Variants in LMLN observed in about 807,000 individuals in gnomAD.
LMLN encodes leishmanolysin-like peptidase.
Under a neutral mutation model 92.3 loss-of-function variants are expected in LMLN, and 70 were observed. The ratio of observed to expected loss-of-function variants is 0.76; its 90% CI spans 0.63 to 0.92. The LOEUF (loss-of-function observed/expected upper bound fraction) is 0.92. Among genes scored for constraint, LMLN ranks in the 40% least tolerant of loss-of-function variants. The pLI, the probability that LMLN is intolerant of heterozygous loss-of-function variation, is 0.00. For synonymous variants in LMLN, 308 were observed against 296.2 expected, an observed-to-expected ratio of 1.04 and a Z score of -0.41; for missense variants, 691 against 814.6, an observed-to-expected ratio of 0.85 and a Z score of 1.85.
chr3:197,982,223 CTTTTTTTTTT>C (rs1241377836), intron 6 of LMLN, among the ~76,000 whole-genome samples: 1 of 116,540 alleles, frequency 8.6e-6, no homozygotes, highest in African/African-American at 3.5e-5. Context: ...CAGTTACCTT[CTTTTTTTTTT>C]TTTTTTTTTT....
At chr3:197,984,588 C>G (rs1007484692) in intron 7 of LMLN, among the ~76,000 whole-genome samples, 1 of 150,680 alleles carries the variant, frequency 6.6e-6, no homozygotes, top group Non-Finnish European at 1.5e-5. Flanking sequence ...GTAGCTGGGA[C>G]TACAGACATG....
At chr3:197,994,923 A>G (rs1721976325) in intron 9 of LMLN, among the ~76,000 whole-genome samples, 1 of 152,224 alleles carries the variant, frequency 6.6e-6, no homozygotes, top group Non-Finnish European at 1.5e-5. Context: ...CTGCAGCGCT[A>G]TTTACAACAG....
At chr3:198,022,995 G>A (rs772566061) in intron 13 of LMLN, among the ~76,000 whole-genome samples, 1 of 152,146 alleles carries the variant, frequency 6.6e-6, no homozygotes, top group South Asian at 2.1e-4. Context: ...TTGTTTTAGA[G>A]CTGGAGCTGG....
At chr3:197,976,634 C>G (rs754234856) in exon 5 of LMLN, 1 of 1,598,794 alleles carries the variant, frequency 6.3e-7, no homozygotes. Flanking sequence ...GGAAGGAAAA[C>G]GATCCTCACA....
chr3:197,961,159 A>G (rs897102407), intron 1 of LMLN, among the ~76,000 whole-genome samples: 2 of 152,200 alleles, frequency 1.3e-5, no homozygotes, highest in Admixed American at 6.5e-5. Flanking sequence ...CCTGGCATTT[A>G]ACCAAGTACT....
exon 15 of LMLN, chr3:198,035,861 T>C (rs1265933452): frequency 6.2e-7 from 1 of 1,614,118 alleles, no homozygotes; most frequent in Non-Finnish European, 8.5e-7. Flanking sequence ...GGTCTGAAAG[T>C]TTGGGTCCAA....
intron 1 of LMLN, among the ~76,000 whole-genome samples, chr3:197,966,831 A>G (rs1247093279): frequency 6.6e-6 from 1 of 152,146 alleles, no homozygotes; most frequent in Admixed American, 6.5e-5. Context: ...TTACTCTGTC[A>G]TCCAGGCTGG....
At chr3:197,960,764 G>T (rs1386070787) in intron 1 of LMLN, among the ~76,000 whole-genome samples, 1 of 152,118 alleles carries the variant, frequency 6.6e-6, no homozygotes, top group Non-Finnish European at 1.5e-5. Context: ...CCCACTTAGT[G>T]ACTCAGTAGG....
chr3:197,975,723 A>G (rs1478553233), intron 3 of LMLN, among the ~76,000 whole-genome samples: 1 of 152,190 alleles, frequency 6.6e-6, no homozygotes, highest in Admixed American at 6.5e-5. Flanking sequence ...ATCGAAGGAA[A>G]TTAATATTTA....
intron 7 of LMLN, among the ~76,000 whole-genome samples, chr3:197,984,984 C>T (rs536569663): frequency 6.6e-6 from 1 of 152,226 alleles, no homozygotes; most frequent in East Asian, 1.9e-4. Flanking sequence ...AGCCCTTCTG[C>T]TGCCGCTTCT....
chr3:198,020,342 T>C (rs975837804), intron 12 of LMLN, among the ~76,000 whole-genome samples: 2 of 152,190 alleles, frequency 1.3e-5, no homozygotes. Context: ...TTAAAAAGCC[T>C]CAACTTTACC....
intron 1 of LMLN, among the ~76,000 whole-genome samples, chr3:197,963,642 C>A (rs759805771): frequency 1.1e-4 from 16 of 152,146 alleles, no homozygotes; most frequent in Non-Finnish European, 1.9e-4. Flanking sequence ...GTATATTAAC[C>A]TTGTCTTCTG....
At chr3:198,034,684 TC>T (rs1723164888) in intron 14 of LMLN, among the ~76,000 whole-genome samples, 1 of 152,218 alleles carries the variant, frequency 6.6e-6, no homozygotes, top group African/African-American at 2.4e-5. Context: ...TAATGTGTTT[TC>T]TTTTGCTTTT....
chr3:198,020,534 A>G (rs1379068942), intron 12 of LMLN, among the ~76,000 whole-genome samples: 1 of 152,158 alleles, frequency 6.6e-6, no homozygotes, highest in Non-Finnish European at 1.5e-5. Flanking sequence ...GGAAAACGTG[A>G]CATCTTTAAA....
intron 1 of LMLN, among the ~76,000 whole-genome samples, chr3:197,967,741 G>C (rs1721099280): frequency 6.6e-6 from 1 of 152,176 alleles, no homozygotes; most frequent in South Asian, 2.1e-4. Flanking sequence ...GGTACTGCAG[G>C]AGACCAGGGC....
In LMLN at chr3:197,970,349, C is replaced by T. The variant is rs147232956; in HGVS notation, c.220-4028C>T. Among the ~76,000 whole-genome samples the T allele has an allele frequency of 4.8e-4, 73 of 152,170 alleles. No individual in the cohort carries two copies. In the East Asian group the frequency reaches 0.012, roughly 25 times the overall value. On this transcript the variant is annotated intron_variant, in intron 1 of 15. Coordinates refer to ENST00000330198, the Ensembl canonical transcript of LMLN. ...GGTGGCCTCGCTAGATTCAGCTTGT[C>T]GTCATACTCACAGCTGAGATTTATT... is the stretch of plus-strand genomic sequence containing the variant.
chr3:197,976,206 AATTTT>A (rs2109858165), intron 4 of LMLN, 95 bp downstream of exon 4: 1 of 695,336 alleles, frequency 1.4e-6, no homozygotes, highest in South Asian at 2.1e-5. Flanking sequence ...CTTATACTAG[AATTTT>A]ATTATGCTTG....
chr3:197,960,473 A>C, intron 1 of LMLN, 33 bp downstream of exon 1: 4 of 1,591,524 alleles, frequency 2.5e-6, no homozygotes, highest in Non-Finnish European at 2.6e-6. Flanking sequence ...GGGCCCTCTC[A>C]GGGTAAAGTC....
chr3:197,976,520 AG>A, intron 4 of LMLN, 77 bp from the exon 5 acceptor site: 1 of 695,110 alleles, frequency 1.4e-6, no homozygotes, highest in Non-Finnish European at 2.5e-6. Flanking sequence ...AGCAGCTACC[AG>A]TTGGTTTCCA....
Sources: gnomAD v4.1 joint callset for allele counts (sites outside exome capture counted in the v4.1 genomes callset) on GRCh38, gnomAD v4.1.1 for gene constraint, MANE v1.5 for transcripts, NCBI Gene and HGNC (gene_info 2026-07-23, HGNC 2026-07-21) for gene names.